USP12: variants seen among roughly 807,000 people sequenced by gnomAD.
USP12 encodes the protein ubiquitin specific peptidase 12, also known as ubiquitin carboxyl-terminal hydrolase 12.
USP12 carries 19 observed loss-of-function variants against 45.5 expected under a neutral mutation model. That is an observed-to-expected ratio of 0.42 (90% CI 0.29 to 0.61). The LOEUF is 0.61. USP12 is among the 20% of genes least tolerant of loss of function. USP12 has a pLI of 0.22. For missense variants in USP12, 242 were observed against 447.7 expected, an observed-to-expected ratio of 0.54 and a Z score of 4.15; for synonymous variants, 149 against 148.8, an observed-to-expected ratio of 1.00 and a Z score of -0.01.
intron 2 of USP12, among the ~76,000 whole-genome samples, chr13:27,111,072 C>T (rs1875419232): frequency 6.6e-6 from 1 of 152,162 alleles, no homozygotes; most frequent in South Asian, 2.1e-4. Flanking sequence ...ACATGACTTG[C>T]TCATCTTCTG....
intron 4 of USP12, among the ~76,000 whole-genome samples, chr13:27,090,997 T>C (rs1406707725): frequency 6.6e-6 from 1 of 152,170 alleles, no homozygotes; most frequent in African/African-American, 2.4e-5. Flanking sequence ...CAATGGTGAT[T>C]TTGACTTTCC....
In USP12 at chr13:27,072,183, T is replaced by C. The variant is rs947200624; in HGVS notation, c.933-1034A>G. Among the ~76,000 whole-genome samples the C allele has an allele frequency of 2.0e-5, 3 of 152,164 alleles. No homozygotes were observed. In the South Asian group the frequency reaches 6.2e-4, roughly 32 times the overall value. Reference sequence around the variant, plus strand: ...ATTTAATGCTTTAAGTCTATTTCTGTATTTATTTAGGCTCATCTAAAGGGT... The same window carrying C: ...ATTTAATGCTTTAAGTCTATTTCTGCATTTATTTAGGCTCATCTAAAGGGT... On this transcript the variant is annotated intron_variant, in intron 7 of 8. Coordinates refer to ENST00000282344, the MANE Select transcript of USP12 (RefSeq NM_182488.4).
intron 1 of USP12, among the ~76,000 whole-genome samples, chr13:27,132,145 A>G (rs551735825): frequency 6.6e-6 from 1 of 152,160 alleles, no homozygotes; most frequent in Non-Finnish European, 1.5e-5. Context: ...TCCACCTCCC[A>G]GCCACTTACT....
At position 27,116,571 on chromosome 13, in the gene USP12, T is replaced by C. The variant is rs780773716; in HGVS notation, c.74A>G (p.Lys25Arg). The change falls in exon 2 of 9, where the codon AAA (lysine) becomes AGA (arginine). Residue 25 changes from lysine to arginine, a missense_variant. Coordinates refer to ENST00000282344, the MANE Select transcript of USP12 (RefSeq NM_182488.4). ...TMGANASALE[K>R]EIGPEQFPVN... ...CGGAAACTGTTCTGGACCAATCTCT[T>C]TCTCTAATGCCGAAGCATTGGCGCC... The C allele has an allele frequency of 6.2e-6, 10 of 1,612,812 alleles. No individual in the cohort carries two copies. The highest frequency in any genetic ancestry group is 8.5e-6 in the Non-Finnish European group (10 of 1,179,834).
chr13:27,167,450 T>G (rs1284799124), intron 1 of USP12, among the ~76,000 whole-genome samples: 1 of 152,094 alleles, frequency 6.6e-6, no homozygotes, highest in East Asian at 1.9e-4. Context: ...CTATTAATAC[T>G]TCTTCTAAAT....
At chr13:27,119,355 C>A (rs1875881048) in intron 1 of USP12, among the ~76,000 whole-genome samples, 1 of 152,196 alleles carries the variant, frequency 6.6e-6, no homozygotes, top group Non-Finnish European at 1.5e-5. Context: ...AACAACAAAG[C>A]AGAACCATAA....
intron 3 of USP12, among the ~76,000 whole-genome samples, chr13:27,101,692 G>C (rs1376961712): frequency 6.6e-6 from 1 of 152,054 alleles, no homozygotes; most frequent in Admixed American, 6.6e-5. Context: ...AATAGGTTAT[G>C]TTCTCCTCAT....
Position 27,069,215 on chromosome 13 carries a change from G to A in USP12, c.*68C>T. 2 of 1,364,360 alleles carry A rather than the reference G, an allele frequency of 1.5e-6. No individual in the cohort carries two copies. The highest frequency in any genetic ancestry group is 2.1e-6 in the Non-Finnish European group (2 of 958,842). The allele number at this position is 1,364,360 out of a possible 1,614,324, so 84.5% of individuals were successfully genotyped here. ...ATTTCTCTTTTCTTGAAAAATCAGT[G>A]CTTGATCCTTTCCAAAATAACCAGA... is the stretch of plus-strand genomic sequence containing the variant. On this transcript the variant is annotated 3_prime_UTR_variant, in exon 9 of 9. Transcript: ENST00000282344.
At chr13:27,103,848 T>C (rs1476113472) in intron 3 of USP12, among the ~76,000 whole-genome samples, 1 of 151,136 alleles carries the variant, frequency 6.6e-6, no homozygotes, top group Non-Finnish European at 1.5e-5. Context: ...ATACCCCAGG[T>C]TTGACAAACA....
In USP12 at chr13:27,105,583, CCT is replaced by C. The variant is rs1443178055; in HGVS notation, c.343+146_343+147del. 8.6e-6 allele frequency: 6 copies of C among 696,894 alleles called. No individual in the cohort carries two copies. In the Admixed American group the frequency reaches 1.5e-4, roughly 17 times the overall value. 43.2% of individuals were successfully genotyped at this position (696,894 alleles called of 1,614,324 possible). ...GACTATCTCCTTCACTAAACGAGTG[CCT>C]CTTTGAAGAAAGGCGTGTCATCCTT... On this transcript the variant is annotated intron_variant, in intron 3 of 8. Coordinates refer to ENST00000282344, the MANE Select transcript of USP12 (RefSeq NM_182488.4).
At chr13:27,093,451 T>G (rs1214638995) in intron 4 of USP12, among the ~76,000 whole-genome samples, 1 of 152,182 alleles carries the variant, frequency 6.6e-6, no homozygotes, top group African/African-American at 2.4e-5. Context: ...CATATGTCAT[T>G]AGGGCCTTGC....
chr13:27,097,309 CA>C (rs1158509685), intron 3 of USP12, among the ~76,000 whole-genome samples: 1 of 152,038 alleles, frequency 6.6e-6, no homozygotes, highest in Non-Finnish European at 1.5e-5. Flanking sequence ...CTACTAAATA[CA>C]AAAAATTCAC....
At chr13:27,103,607 A>AAAAAAAAATAAT (rs372985958) in intron 3 of USP12, among the ~76,000 whole-genome samples, 11 of 128,512 alleles carry the variant, frequency 8.6e-5, no homozygotes, top group African/African-American at 3.2e-4. Flanking sequence ...TCAAAAAAAA[A>AAAAAAAAATAAT]AATAATAATA....
chr13:27,165,650 T>C (rs2137848667), intron 1 of USP12, among the ~76,000 whole-genome samples: 1 of 152,152 alleles, frequency 6.6e-6, no homozygotes, highest in African/African-American at 2.4e-5. Flanking sequence ...GAAATAAACA[T>C]GGAACCTCAA....
At chr13:27,070,102 T>C (rs1449405585) in intron 8 of USP12, among the ~76,000 whole-genome samples, 2 of 152,196 alleles carry the variant, frequency 1.3e-5, no homozygotes, top group Non-Finnish European at 2.9e-5. Context: ...GGTATATTCA[T>C]ACAGTAGAAA....
chr13:27,105,637 A>G, intron 3 of USP12, 94 bp downstream of exon 3: 1 of 1,174,844 alleles, frequency 8.5e-7, no homozygotes. Context: ...ACATGTTATC[A>G]GGCATACAGA....
intron 1 of USP12, among the ~76,000 whole-genome samples, chr13:27,126,142 G>C (rs1034840430): frequency 6.6e-6 from 1 of 152,236 alleles, no homozygotes. Flanking sequence ...GGTGTTTCGA[G>C]CTCTGATAAC....
chr13:27,098,608 A>C (rs1874709780), intron 3 of USP12, among the ~76,000 whole-genome samples: 1 of 152,198 alleles, frequency 6.6e-6, no homozygotes, highest in African/African-American at 2.4e-5. Flanking sequence ...TGCTGCTGGG[A>C]GTATAAACTG....
chr13:27,104,956 T>G (rs571899283), intron 3 of USP12, among the ~76,000 whole-genome samples: 4 of 152,192 alleles, frequency 2.6e-5, no homozygotes, highest in Middle Eastern at 3.2e-3. Flanking sequence ...TAAATTCCAT[T>G]TGAATTTTTG....
Sources: allele counts gnomAD v4.1 joint callset (sites outside exome capture counted in the v4.1 genomes callset), GRCh38; gene constraint gnomAD v4.1.1; transcripts MANE v1.5; gene names NCBI Gene and HGNC (gene_info 2026-07-23, HGNC 2026-07-21).